GREB1L: variants seen among roughly 807,000 people sequenced by gnomAD.
GREB1L encodes the protein GREB1 like retinoic acid receptor coactivator.
A neutral mutation model predicts 200.8 loss-of-function variants in GREB1L; 17 were observed. That is an observed-to-expected ratio of 0.08 (90% CI 0.06 to 0.13). The LOEUF (loss-of-function observed/expected upper bound fraction) is 0.13, where lower values mean the gene tolerates loss of function less well. GREB1L is among the 10% of genes least tolerant of loss of function. The pLI is 1.00. For synonymous variants in GREB1L, 789 were observed against 893.0 expected (o/e 0.88, Z 2.08); for missense variants, 1,657 against 2,367.7 (o/e 0.70, Z 6.23).
intron 7 of GREB1L, among the ~76,000 whole-genome samples, chr18:21,409,699 G>A (rs2030727647): frequency 6.6e-6 from 1 of 152,152 alleles, no homozygotes; most frequent in Admixed American, 6.5e-5. Flanking sequence ...AGGGCTGGGA[G>A]TCAGAGTTCT....
At chr18:21,349,363 C>T (rs2039400686) in intron 1 of GREB1L, among the ~76,000 whole-genome samples, 1 of 152,092 alleles carries the variant, frequency 6.6e-6, no homozygotes, top group African/African-American at 2.4e-5. Flanking sequence ...GCCACTCAAT[C>T]TCCATCCCCC....
intron 7 of GREB1L, among the ~76,000 whole-genome samples, chr18:21,432,705 C>CTTTTTTTTTTTT (rs11380208): frequency 5.0e-4 from 47 of 94,348 alleles, no homozygotes; most frequent in South Asian, 1.8e-3. Flanking sequence ...TCTTTTTTTT[C>CTTTTTTTTTTTT]TTTTTTTTTT....
At chr18:21,263,288 T>C (rs190508859) in intron 1 of GREB1L, among the ~76,000 whole-genome samples, 143 of 152,360 alleles carry the variant, frequency 9.4e-4, no homozygotes, top group African/African-American at 3.2e-3. Flanking sequence ...AGACTCATAT[T>C]GAAGGGTTTT....
At chr18:21,379,497 G>T (rs1382144474) in intron 2 of GREB1L, among the ~76,000 whole-genome samples, 1 of 152,178 alleles carries the variant, frequency 6.6e-6, no homozygotes, top group Admixed American at 6.5e-5. Flanking sequence ...GAGCCACCAC[G>T]CCAGGAGGTT....
At chr18:21,429,997 G>A (rs1222598463) in intron 7 of GREB1L, among the ~76,000 whole-genome samples, 2 of 152,136 alleles carry the variant, frequency 1.3e-5, no homozygotes, top group Admixed American at 6.6e-5. Context: ...GCAGATGACC[G>A]TCTTCTTGCT....
At chr18:21,363,297 C>CA (rs1417994748) in intron 1 of GREB1L, among the ~76,000 whole-genome samples, 1 of 113,154 alleles carries the variant, frequency 8.8e-6, no homozygotes, top group African/African-American at 3.5e-5. Context: ...GCCCCCCCCC[C>CA]CCCACACACA....
chr18:21,514,007 C>T lies in GREB1L; in HGVS notation c.4901+21C>T, dbSNP rs150331693. 3,210 of 1,547,418 alleles carry T rather than the reference C, an allele frequency of 2.1e-3. 22 individuals carry two copies. The highest frequency in any genetic ancestry group is 0.021 in the African/African-American group (1,514 of 73,028). The stretch of plus-strand genomic sequence containing the variant: ...TCCAGGTAGACTTCCAAGCTGGGGG[C>T]GTATGACACAATGCTATAGACAGGA... On this transcript the variant is annotated intron_variant, in intron 28 of 32. Coordinates refer to ENST00000424526, the MANE Select transcript of GREB1L (RefSeq NM_001142966.3).
At chr18:21,450,113 C>G (rs1462332907) in intron 12 of GREB1L, among the ~76,000 whole-genome samples, 3 of 152,166 alleles carry the variant, frequency 2.0e-5, no homozygotes, top group Non-Finnish European at 4.4e-5. Context: ...AACTGCTGTC[C>G]TTTAAAGATT....
At position 21,373,355 on chromosome 18, in the gene GREB1L, G is replaced by A. The variant is rs1413103918; in HGVS notation, c.-10+7219G>A. 2.0e-5 allele frequency among the ~76,000 whole-genome samples: 3 copies of A among 150,534 alleles called. No homozygotes were observed. The East Asian group carries it at 5.8e-4, about 29-fold the overall frequency. Reference sequence around the variant, plus strand: ...TTTGCCCCCTGCCTCCTTTTTTTTCGAGACAGAGTTTTTTGTCACCCACGC... The same window carrying A: ...TTTGCCCCCTGCCTCCTTTTTTTTCAAGACAGAGTTTTTTGTCACCCACGC... On this transcript the variant is annotated intron_variant, in intron 2 of 32. Coordinates refer to ENST00000424526, the MANE Select transcript of GREB1L (RefSeq NM_001142966.3).
At chr18:21,409,213 G>A (rs528716475) in intron 7 of GREB1L, among the ~76,000 whole-genome samples, 5 of 152,204 alleles carry the variant, frequency 3.3e-5, no homozygotes, top group African/African-American at 1.2e-4. Flanking sequence ...ACAAACTGTC[G>A]ACATAAGCTA....
At chr18:21,265,963 A>C (rs2037959890) in intron 1 of GREB1L, among the ~76,000 whole-genome samples, 1 of 152,244 alleles carries the variant, frequency 6.6e-6, no homozygotes, top group African/African-American at 2.4e-5. Flanking sequence ...GAGACTAGGC[A>C]GCTGGCTGAA....
rs554353546 is a variant in GREB1L at position 21,514,816 on chromosome 18, G to A, written c.4902-601G>A. Among the ~76,000 whole-genome samples, 3 of 152,242 alleles carry A rather than the reference G, an allele frequency of 2.0e-5. No individual in the cohort carries two copies. In the East Asian group the frequency reaches 5.8e-4, roughly 29 times the overall value. On this transcript the variant is annotated intron_variant, in intron 28 of 32. Transcript: ENST00000424526. ...TCAAGTCCATCACCTGTAAAATTAC[G>A]CCTGGGCCAAAATCAGTGGTTCTCT...
intron 1 of GREB1L, among the ~76,000 whole-genome samples, chr18:21,261,737 C>T (rs1398759345): frequency 1.3e-5 from 2 of 151,980 alleles, no homozygotes; most frequent in East Asian, 3.8e-4. Context: ...AAAGGAATTG[C>T]TATTTGTTGG....
Position 21,524,428 on chromosome 18 carries a change from T to C in GREB1L, c.*1607T>C, listed in dbSNP as rs920209873. The C allele has an allele frequency of 2.0e-5, 3 of 152,222 alleles. No individual in the cohort carries two copies. Among genetic ancestry groups the C allele is most frequent in the Non-Finnish European group, 2.9e-5 (2 of 68,038 alleles). 9.4% of individuals were successfully genotyped at this position (152,222 alleles called of 1,614,324 possible). On this transcript the variant is annotated 3_prime_UTR_variant, in exon 33 of 33. Transcript: ENST00000424526. ...ATTGTCCTTCAAAGAGGACCTGCCT[T>C]ATATATGCTTTAAAAAATACTCCTT...
intron 15 of GREB1L, among the ~76,000 whole-genome samples, chr18:21,468,259 C>T (rs10163728): frequency 0.25 from 38,475 of 152,000 alleles, 6,060 homozygotes; most frequent in East Asian, 0.43. Context: ...TTGAAAACAT[C>T]ATTCCAAGTG....
At chr18:21,377,677 CAG>C (rs1436376940) in intron 2 of GREB1L, among the ~76,000 whole-genome samples, 1 of 152,064 alleles carries the variant, frequency 6.6e-6, no homozygotes, top group Non-Finnish European at 1.5e-5. Context: ...GCCTGGGTAA[CAG>C]AGTAAGTGAG....
Position 21,518,098 on chromosome 18 carries a change from C to T in GREB1L, c.5336C>T (p.Thr1779Ile). Residue 1779 changes from threonine (T) to isoleucine (I), a missense_variant, in exon 31 of 33, where the codon ACA becomes ATA. Around this residue, in one of 9 missense-constraint regions of GREB1L, gnomAD observed 190 missense variants for 230.2 expected, o/e 0.83. Coordinates refer to ENST00000424526, the MANE Select transcript of GREB1L (RefSeq NM_001142966.3). ...ATCTGTGCTCCCGACAGTGAACACACACTACTGGCAGCCCCTGCACAGTTT... is the reference window on the plus strand; with the variant it reads ...ATCTGTGCTCCCGACAGTGAACACATACTACTGGCAGCCCCTGCACAGTTT... ...QYICAPDSEH[T>I]LLAAPAQFLL... The T allele has an allele frequency of 6.4e-7, 1 of 1,551,624 alleles. No individual in the cohort carries two copies. The highest frequency in any genetic ancestry group is 8.7e-7 in the Non-Finnish European group (1 of 1,146,944).
chr18:21,498,932 G>C (rs1235151974), intron 21 of GREB1L, among the ~76,000 whole-genome samples: 1 of 152,220 alleles, frequency 6.6e-6, no homozygotes, highest in Non-Finnish European at 1.5e-5. Flanking sequence ...CTCAGAGAGG[G>C]CCTTTAGTTG....
intron 21 of GREB1L, among the ~76,000 whole-genome samples, chr18:21,496,982 ACC>A (rs2036571431): frequency 6.6e-6 from 1 of 152,154 alleles, no homozygotes; most frequent in African/African-American, 2.4e-5. Context: ...AGTCTTTTCT[ACC>A]CTTAATCTTC....
Sources: gnomAD v4.1 joint callset for allele counts (sites outside exome capture counted in the v4.1 genomes callset) on GRCh38, gnomAD v4.1.1 for gene constraint, gnomAD v4.1.1 regional missense constraint, MANE v1.5 for transcripts, NCBI Gene and HGNC (gene_info 2026-07-23, HGNC 2026-07-21) for gene names.